The following ENTPD1 variants were observed in gnomAD, a reference collection of about 807,000 sequenced individuals.
The protein encoded by ENTPD1 is ectonucleoside triphosphate diphosphohydrolase 1.
ENTPD1 carries 33 observed loss-of-function variants against 57.0 expected under a neutral mutation model. That is an observed-to-expected ratio of 0.58 (90% confidence interval 0.44 to 0.77). The LOEUF (loss-of-function observed/expected upper bound fraction) is 0.77, where lower values mean the gene tolerates loss of function less well. Among genes scored for constraint, ENTPD1 ranks in the 30% least tolerant of loss-of-function variants. ENTPD1 has a pLI of 0.00. For missense variants in ENTPD1, 501 were observed against 603.4 expected (o/e 0.83, Z 1.78); for synonymous variants, 202 against 218.8 (o/e 0.92, Z 0.68).
At chr10:95,784,788 T>A (rs1344613474) in intron 1 of ENTPD1, among the ~76,000 whole-genome samples, 5 of 152,052 alleles carry the variant, frequency 3.3e-5, no homozygotes, top group African/African-American at 1.2e-4. Context: ...TGGCAAGATA[T>A]GAGCATTCAG....
chr10:95,805,908 C>A (rs939711713), intron 1 of ENTPD1, among the ~76,000 whole-genome samples: 10 of 152,242 alleles, frequency 6.6e-5, no homozygotes, highest in African/African-American at 2.4e-4. Context: ...AACTTTCTCT[C>A]TGGCTGCCCT....
intron 1 of ENTPD1, among the ~76,000 whole-genome samples, chr10:95,773,006 T>G (rs2098120575): frequency 6.6e-6 from 1 of 152,166 alleles, no homozygotes; most frequent in Non-Finnish European, 1.5e-5. Flanking sequence ...TTCAGGCTGC[T>G]TCCACTCTTG....
chr10:95,761,880 T>C (rs2098065042), intron 1 of ENTPD1, among the ~76,000 whole-genome samples: 1 of 152,202 alleles, frequency 6.6e-6, no homozygotes, highest in Non-Finnish European at 1.5e-5. Flanking sequence ...GACTCAGGGC[T>C]CTGAGACTGG....
intron 1 of ENTPD1, among the ~76,000 whole-genome samples, chr10:95,765,818 T>G (rs1476616654): frequency 6.6e-6 from 1 of 152,202 alleles, no homozygotes; most frequent in Non-Finnish European, 1.5e-5. Flanking sequence ...TCCATGAACA[T>G]ATGATGTCTT....
At chr10:95,839,300 G>A (rs991715174) in intron 2 of ENTPD1, 7 of 272,336 alleles carry the variant, frequency 2.6e-5, no homozygotes, top group Non-Finnish European at 3.6e-5. Flanking sequence ...GGTGATTCCC[G>A]TATGATTCCA....
At chr10:95,784,334 A>C (rs2098169889) in intron 1 of ENTPD1, among the ~76,000 whole-genome samples, 1 of 152,144 alleles carries the variant, frequency 6.6e-6, no homozygotes, top group African/African-American at 2.4e-5. Flanking sequence ...TTATGGGGCC[A>C]CTAAAAATGT....
chr10:95,720,689 G>A (rs1451916889), intron 1 of ENTPD1, among the ~76,000 whole-genome samples: 1 of 152,172 alleles, frequency 6.6e-6, no homozygotes, highest in East Asian at 1.9e-4. Flanking sequence ...AGTGGCTTCT[G>A]ACTCAGAGGA....
At chr10:95,831,646 A>G (rs1203413310) in intron 2 of ENTPD1, among the ~76,000 whole-genome samples, 1 of 152,222 alleles carries the variant, frequency 6.6e-6, no homozygotes, top group Non-Finnish European at 1.5e-5. Context: ...GCCCTTGTCT[A>G]GCCCATTTCA....
At chr10:95,735,511 G>A (rs1000368545) in intron 1 of ENTPD1, among the ~76,000 whole-genome samples, 6 of 152,052 alleles carry the variant, frequency 3.9e-5, no homozygotes, top group African/African-American at 1.4e-4. Context: ...AGTTGATGCA[G>A]GTAAATTTTA....
intron 1 of ENTPD1, among the ~76,000 whole-genome samples, chr10:95,770,130 G>A (rs2098109429): frequency 7.2e-6 from 1 of 139,134 alleles, no homozygotes; most frequent in African/African-American, 2.6e-5. Context: ...GTAAGTGAGT[G>A]TAACTAGAAA....
At chr10:95,740,222 T>C (rs2097998903) in intron 1 of ENTPD1, among the ~76,000 whole-genome samples, 1 of 152,148 alleles carries the variant, frequency 6.6e-6, no homozygotes, top group South Asian at 2.1e-4. Flanking sequence ...ACCTTTTGGG[T>C]TCAAGTGATT....
the ENTPD1 span, among the ~76,000 whole-genome samples, chr10:95,699,244 A>G: frequency 1.3e-5 from 2 of 152,220 alleles, no homozygotes; most frequent in East Asian, 3.8e-4. Flanking sequence ...ATTAACATTT[A>G]TAGAGAGACA....
At chr10:95,813,647 C>T (rs1327877034) in intron 1 of ENTPD1, among the ~76,000 whole-genome samples, 3 of 152,128 alleles carry the variant, frequency 2.0e-5, no homozygotes, top group African/African-American at 4.8e-5. Flanking sequence ...TGGCCGAGAA[C>T]GCAGTTTTCA....
At chr10:95,818,435 G>C (rs1049977564) in intron 1 of ENTPD1, among the ~76,000 whole-genome samples, 33 of 152,182 alleles carry the variant, frequency 2.2e-4, no homozygotes, top group Non-Finnish European at 4.4e-4. Context: ...CAGGACATAG[G>C]TTCTTGATAA....
intron 1 of ENTPD1, among the ~76,000 whole-genome samples, chr10:95,800,592 CA>C (rs1376027161): frequency 1.3e-5 from 2 of 152,150 alleles, no homozygotes; most frequent in African/African-American, 4.8e-5. Flanking sequence ...CTGCATAAGA[CA>C]GACATTCCCA....
chr10:95,798,812 ATTG>A (rs1305840852), intron 1 of ENTPD1, among the ~76,000 whole-genome samples: 2 of 152,192 alleles, frequency 1.3e-5, no homozygotes, highest in African/African-American at 4.8e-5. Flanking sequence ...CACTCAGAAC[ATTG>A]TTGTAACTCT....
rs902697959 is a variant in ENTPD1, at chr10:95,868,692, T to G, written c.*2309T>G. On this transcript the variant is annotated 3_prime_UTR_variant, in exon 10 of 10. Transcript: ENST00000371205. ...ACAAACTACTACATGGCAGAGCAGA[T>G]ACTCCAACTCATGTCTTCTGGTTGA... is the stretch of plus-strand genomic sequence containing the variant. 1 of 980,900 alleles carries G rather than the reference T, an allele frequency of 1.0e-6. No homozygotes were observed. 60.8% of individuals were successfully genotyped at this position (980,900 alleles called of 1,614,324 possible). A position where few individuals can be genotyped will look rare whatever the true frequency, so the allele number is the denominator to read the frequency against.
upstream of ENTPD1, among the ~76,000 whole-genome samples, chr10:95,711,622 A>AT (rs1277922096): frequency 1.3e-5 from 2 of 152,094 alleles, no homozygotes; most frequent in African/African-American, 4.8e-5. Context: ...TAATTTTAAA[A>AT]TTTTTTGTAC....
At chr10:95,784,275 A>G (rs1453697173) in intron 1 of ENTPD1, among the ~76,000 whole-genome samples, 2 of 152,190 alleles carry the variant, frequency 1.3e-5, no homozygotes, top group Admixed American at 6.5e-5. Flanking sequence ...ACATCTAATG[A>G]TGTAGCACCA....
Sources: gnomAD v4.1 joint callset for allele counts (sites outside exome capture counted in the v4.1 genomes callset) on GRCh38, gnomAD v4.1.1 for gene constraint, MANE v1.5 for transcripts, NCBI Gene and HGNC (gene_info 2026-07-23, HGNC 2026-07-21) for gene names.